KL: variants seen among roughly 807,000 people sequenced by gnomAD.
KL encodes the protein klotho.
A neutral mutation model predicts 84.2 loss-of-function variants in KL; 62 were observed. The ratio of observed to expected loss-of-function variants is 0.74; its 90% CI spans 0.60 to 0.91. KL has a LOEUF of 0.91. KL is among the 40% of genes least tolerant of loss of function. KL has a pLI of 0.00. For synonymous variants in KL, 528 were observed against 528.0 expected (o/e 1.00, Z 0.00); for missense variants, 1,261 against 1,305.7 (o/e 0.97, Z 0.53).
Position 33,064,279 on chromosome 13 carries a change from A to C in KL, c.*93A>C, listed in dbSNP as rs1872326031. ...CACCTCTAAGTGTTGTGAAACTGTAAATTTCATACATTTGACTTCTAGAAA... is the reference window on the plus strand; with the variant it reads ...CACCTCTAAGTGTTGTGAAACTGTACATTTCATACATTTGACTTCTAGAAA... On this transcript the variant is annotated 3_prime_UTR_variant, in exon 5 of 5. Coordinates refer to ENST00000380099, the MANE Select transcript of KL (RefSeq NM_004795.4). 1.0e-6 allele frequency: 1 copy of C among 980,216 alleles called. No homozygotes were observed. 60.7% of individuals were successfully genotyped at this position (980,216 alleles called of 1,614,324 possible). A position where few individuals can be genotyped will look rare whatever the true frequency, so the allele number is the denominator to read the frequency against.
In KL at chr13:33,017,156, AC is replaced by A; in HGVS notation, c.720del (p.Tyr241ThrfsTer58). 1.2e-6 allele frequency: 2 copies of A among 1,601,310 alleles called. No homozygotes were observed. The highest frequency in any genetic ancestry group is 1.1e-5 in the South Asian group (1 of 91,056). On this transcript the variant is annotated frameshift_variant, in exon 1 of 5. Coordinates refer to ENST00000380099, the MANE Select transcript of KL (RefSeq NM_004795.4). LOFTEE classifies it high-confidence loss of function. ...GQVKYWITID[N>X]PYVVAWHGYA... is the part of the protein sequence containing the mutation. ...GTCAAGTACTGGATCACCATCGACA[AC>A]CCCTACGTGGTGGCCTGGCACGGCT...
Position 33,065,596 on chromosome 13 carries a change from T to A in KL, c.*1410T>A, listed in dbSNP as rs1182542792. 1 of 181,794 alleles carries A rather than the reference T, an allele frequency of 5.5e-6. No individual in the cohort carries two copies. The highest frequency in any genetic ancestry group is 2.4e-5 in the African/African-American group (1 of 42,470). The allele number at this position is 181,794 out of a possible 1,614,324, so 11.3% of individuals were successfully genotyped here. On this transcript the variant is annotated 3_prime_UTR_variant, in exon 5 of 5. Coordinates refer to ENST00000380099, the MANE Select transcript of KL (RefSeq NM_004795.4). The stretch of plus-strand genomic sequence containing the variant: ...AATATATCATCTTTAGAGGTATGAT[T>A]TTTTCATGAAAGATAAGCTTTTGGT...
intron 1 of KL, among the ~76,000 whole-genome samples, chr13:33,022,670 CA>C (rs1870619473): frequency 6.6e-6 from 1 of 152,174 alleles, no homozygotes; most frequent in Admixed American, 6.5e-5. Flanking sequence ...AGACTTGACT[CA>C]AATATTTTCA....
At chr13:33,055,002 C>A in intron 2 of KL, 45 bp from the exon 3 acceptor site, 1 of 1,613,506 alleles carries the variant, frequency 6.2e-7, no homozygotes, top group East Asian at 2.2e-5. Context: ...GATGCAAGTG[C>A]CCAGCGAAGG....
chr13:33,028,319 G>T (rs1435055767), intron 1 of KL, among the ~76,000 whole-genome samples: 2 of 152,174 alleles, frequency 1.3e-5, no homozygotes, highest in Non-Finnish European at 2.9e-5. Flanking sequence ...TCAGAGAAGG[G>T]AATGAAAATT....
intron 1 of KL, among the ~76,000 whole-genome samples, chr13:33,047,471 G>A (rs1326434803): frequency 6.6e-6 from 1 of 151,702 alleles, no homozygotes; most frequent in East Asian, 1.9e-4. Flanking sequence ...TCCTGTCTCA[G>A]CCTCCCGAGT....
intron 2 of KL, 102 bp downstream of exon 2, chr13:33,054,379 T>A: frequency 2.4e-6 from 3 of 1,232,582 alleles, no homozygotes; most frequent in Non-Finnish European, 3.5e-6. Context: ...TTTTAAATCC[T>A]AATGGAGACA....
intron 1 of KL, among the ~76,000 whole-genome samples, chr13:33,023,500 A>G (rs1470327608): frequency 6.6e-6 from 1 of 152,246 alleles, no homozygotes; most frequent in East Asian, 1.9e-4. Context: ...TTTCAATAGC[A>G]TTTGACCAAA....
intron 1 of KL, among the ~76,000 whole-genome samples, chr13:33,040,956 G>C (rs566097432): frequency 6.6e-6 from 1 of 152,188 alleles, no homozygotes; most frequent in East Asian, 1.9e-4. Flanking sequence ...TTCAATAATA[G>C]CCTAAATCTA....
Position 33,016,703 on chromosome 13 carries a change from C to G in KL, c.263C>G (p.Ser88Cys). Residue 88 changes from serine to cysteine, a missense_variant, in exon 1 of 5, where the codon TCC becomes TGC. By Grantham distance (112) the Ser-to-Cys change is moderately radical. Transcript: ENST00000380099. The part of the protein sequence containing the change: ...GGWQQHGKGA[S>C]IWDTFTHHPL... ...TGGCAGCAGCACGGCAAGGGTGCGT[C>G]CATCTGGGATACGTTCACCCACCAC... 1 of 1,609,386 alleles carries G rather than the reference C, an allele frequency of 6.2e-7. No homozygotes were observed. The highest frequency in any genetic ancestry group is 8.5e-7 in the Non-Finnish European group (1 of 1,178,460).
In KL at chr13:33,017,290, G is replaced by C. The variant is rs78569455; in HGVS notation, c.819+31G>C. On this transcript the variant is annotated intron_variant, in intron 1 of 4. Transcript: ENST00000380099. The stretch of plus-strand genomic sequence containing the variant: ...TGCGAGGGGCCAGGCGGAGGGCCAC[G>C]CAGGGGAGACAGAGGGCCTCCACAG... The C allele has an allele frequency of 3.0e-4, 457 of 1,527,054 alleles. 4 individuals are homozygous for C. In the East Asian group the frequency reaches 7.5e-3, roughly 25 times the overall value. 94.6% of individuals were successfully genotyped at this position (1,527,054 alleles called of 1,614,324 possible).
intron 1 of KL, among the ~76,000 whole-genome samples, chr13:33,033,736 C>T (rs937117791): frequency 1.3e-5 from 2 of 151,686 alleles, no homozygotes; most frequent in Non-Finnish European, 2.9e-5. Context: ...ACCCACTTTA[C>T]GAGCAGCGGA....
rs531064897 is a variant in KL at position 33,028,245 on chromosome 13, C to T, written c.819+10986C>T. Among the ~76,000 whole-genome samples, 17 of 152,312 alleles carry T rather than the reference C, an allele frequency of 1.1e-4. No homozygotes were observed. The East Asian group carries it at 3.1e-3, about 28-fold the overall frequency. On this transcript the variant is annotated intron_variant, in intron 1 of 4. Coordinates refer to ENST00000380099, the MANE Select transcript of KL (RefSeq NM_004795.4). ...CTGATGGCCTCAGTCAACTGTGCTC[C>T]TTATAGCAGGAACACTGAGCAGTGC...
At chr13:33,036,841 C>T (rs1871159879) in intron 1 of KL, among the ~76,000 whole-genome samples, 1 of 152,192 alleles carries the variant, frequency 6.6e-6, no homozygotes. Flanking sequence ...TGTTTTACCA[C>T]AGTAAAACAA....
In KL at chr13:33,055,094, C is replaced by T; in HGVS notation, c.1378C>T (p.Leu460Phe). 6.2e-7 allele frequency: 1 copy of T among 1,614,188 alleles called. No individual in the cohort carries two copies. Among genetic ancestry groups the T allele is most frequent in the South Asian group, 1.1e-5 (1 of 91,084 alleles). Reference protein sequence around the residue: ...VDVIGYTAWSLMDGFEWHRGY... With the variant: ...VDVIGYTAWSFMDGFEWHRGY... Reference sequence around the variant, plus strand: ...TGTCATCGGGTATACCGCATGGTCCCTCATGGATGGTTTCGAGTGGCACAG... The same window carrying T: ...TGTCATCGGGTATACCGCATGGTCCTTCATGGATGGTTTCGAGTGGCACAG... Residue 460 changes from leucine to phenylalanine, a missense_variant, in exon 3 of 5, where the codon CTC (leucine) becomes TTC (phenylalanine). Leu to Phe is a conservative substitution (Grantham distance 22). Coordinates refer to ENST00000380099, the MANE Select transcript of KL (RefSeq NM_004795.4).
intron 3 of KL, among the ~76,000 whole-genome samples, chr13:33,059,884 C>G (rs1872107882): frequency 6.6e-6 from 1 of 152,230 alleles, no homozygotes; most frequent in Non-Finnish European, 1.5e-5. Flanking sequence ...CTACCTATAG[C>G]AAACCTCAAT....
At position 33,064,185 on chromosome 13, in the gene KL, A is replaced by G. The variant is rs1391085565; in HGVS notation, c.3038A>G (p.Ter1013TrpextTer2). 1 of 1,585,774 alleles carries G rather than the reference A, an allele frequency of 6.3e-7. No individual in the cohort carries two copies. Among genetic ancestry groups the G allele is most frequent in the Non-Finnish European group, 8.7e-7 (1 of 1,155,476 alleles). The stretch of plus-strand genomic sequence containing the variant: ...AAGAAAGGCAGAAGAAGTTACAAAT[A>G]GTTCTGAACATTTTTCTATTCATTC... Reference protein sequence around the residue: ...YSKKGRRSYK* With the variant: ...YSKKGRRSYKW The change falls in exon 5 of 5, where the codon TAG becomes TGG. Residue 1013 changes from the stop codon to tryptophan (W), a stop_lost. Transcript: ENST00000380099.
chr13:33,053,632 A>G, intron 1 of KL, 135 bp from the exon 2 acceptor site: 2 of 833,450 alleles, frequency 2.4e-6, no homozygotes, highest in Non-Finnish European at 3.9e-6. Flanking sequence ...TATTGGTTCT[A>G]GCTGATTTTT....
chr13:33,036,635 A>C (rs1871155264), intron 1 of KL, among the ~76,000 whole-genome samples: 1 of 152,202 alleles, frequency 6.6e-6, no homozygotes, highest in Non-Finnish European at 1.5e-5. Context: ...CAAGAAGAGA[A>C]AACAGTATTC....
Sources: gnomAD v4.1 joint callset for allele counts (sites outside exome capture counted in the v4.1 genomes callset) on GRCh38, gnomAD v4.1.1 for gene constraint, MANE v1.5 for transcripts, NCBI Gene and HGNC (gene_info 2026-07-23, HGNC 2026-07-21) for gene names.